The following NOS1 variants were observed in gnomAD, a reference collection of about 807,000 sequenced individuals.
The protein encoded by NOS1 is nitric oxide synthase 1.
In NOS1, 51 loss-of-function variants were observed where a neutral mutation model predicts 164.5. The observed-to-expected ratio is 0.31, with a 90% CI of 0.25 to 0.39. NOS1 has a LOEUF of 0.39. Among genes scored for constraint, NOS1 ranks in the 10% least tolerant of loss-of-function variants. NOS1 has a pLI of 1.00. For synonymous variants in NOS1, 719 were observed against 745.8 expected (o/e 0.96, Z 0.59); for missense variants, 1,362 against 1,885.6 (o/e 0.72, Z 5.14).
intron 2 of NOS1, among the ~76,000 whole-genome samples, chr12:117,317,088 C>T (rs924101088): frequency 1.3e-5 from 2 of 152,074 alleles, no homozygotes; most frequent in African/African-American, 4.8e-5. Context: ...ACCATGTTGG[C>T]CAGGCTGGTC....
At chr12:117,319,743 T>A (rs1874828367) in intron 2 of NOS1, among the ~76,000 whole-genome samples, 1 of 152,236 alleles carries the variant, frequency 6.6e-6, no homozygotes, top group Non-Finnish European at 1.5e-5. Context: ...CAACCTTGTT[T>A]GCAACCCTTG....
chr12:117,254,740 C>G (rs543424626), intron 16 of NOS1, among the ~76,000 whole-genome samples: 1 of 152,290 alleles, frequency 6.6e-6, no homozygotes, highest in South Asian at 2.1e-4. Context: ...CTTGCACCAG[C>G]CACATTTCAG....
intron 20 of NOS1, among the ~76,000 whole-genome samples, chr12:117,239,304 C>T (rs1869977304): frequency 6.6e-6 from 1 of 152,222 alleles, no homozygotes; most frequent in Non-Finnish European, 1.5e-5. Context: ...GGACCTCCCT[C>T]CTCTCTCCTG....
chr12:117,332,015 C>T (rs1278700713), intron 1 of NOS1, among the ~76,000 whole-genome samples: 1 of 152,174 alleles, frequency 6.6e-6, no homozygotes, highest in Non-Finnish European at 1.5e-5. Context: ...CCTTCATAAC[C>T]ATTTTTGTAA....
chr12:117,333,357 C>G (rs2136077323), intron 1 of NOS1, among the ~76,000 whole-genome samples: 1 of 152,268 alleles, frequency 6.6e-6, no homozygotes, highest in East Asian at 1.9e-4. Context: ...CAGGAGGGAG[C>G]CCCCATCTGC....
intron 12 of NOS1, among the ~76,000 whole-genome samples, 176 bp from the exon 13 acceptor site, chr12:117,264,150 G>A (rs1415846855): frequency 2.6e-5 from 4 of 151,704 alleles, no homozygotes; most frequent in African/African-American, 9.7e-5. Context: ...GGGGGGAGGG[G>A]GGGGGTCCTT....
intron 2 of NOS1, among the ~76,000 whole-genome samples, chr12:117,318,929 T>C (rs1473744919): frequency 6.6e-6 from 1 of 152,200 alleles, no homozygotes; most frequent in Non-Finnish European, 1.5e-5. Flanking sequence ...GCTGGAATGC[T>C]GGGAGCTGAG....
chr12:117,264,545 C>G (rs1872219315), intron 12 of NOS1, among the ~76,000 whole-genome samples: 1 of 141,430 alleles, frequency 7.1e-6, no homozygotes, highest in Non-Finnish European at 1.6e-5. Flanking sequence ...CTTCCTCCCT[C>G]CCTTCCCTTC....
At chr12:117,352,788 A>C (rs1876684649) in intron 1 of NOS1, among the ~76,000 whole-genome samples, 2 of 152,150 alleles carry the variant, frequency 1.3e-5, no homozygotes. Context: ...GTGGGAGGTG[A>C]GGGGATAGAA....
chr12:117,348,463 C>T (rs771942757), intron 1 of NOS1: 2 of 152,254 alleles, frequency 1.3e-5, no homozygotes, highest in Non-Finnish European at 2.9e-5. Flanking sequence ...CATGAAGTAA[C>T]GTCATGTTTC....
chr12:117,265,232 G>T, intron 12 of NOS1, 84 bp downstream of exon 12: 1 of 1,283,662 alleles, frequency 7.8e-7, no homozygotes, highest in Non-Finnish European at 1.0e-6. Context: ...CAGAGCACTA[G>T]CCTGGGTTGA....
rs1267415646 is a variant in NOS1, at chr12:117,350,841, C to A, written c.-421+10671G>T. 2.6e-5 allele frequency among the ~76,000 whole-genome samples: 4 copies of A among 152,156 alleles called. No individual in the cohort carries two copies. In the South Asian group the frequency reaches 8.3e-4, roughly 32 times the overall value. On this transcript the variant is annotated intron_variant, in intron 1 of 28. Transcript: ENST00000317775. ...CATCAAAAGGTCTCTTGGCCGGGTG[C>A]GGTGGCTCAAGCCTGTAATCCCAGC...
At chr12:117,281,252 T>C (rs1873628589) in intron 7 of NOS1, among the ~76,000 whole-genome samples, 1 of 152,114 alleles carries the variant, frequency 6.6e-6, no homozygotes, top group South Asian at 2.1e-4. Context: ...CCGGGCGCGG[T>C]GGCTCATGCC....
chr12:117,280,915 G>A (rs1873596665), intron 7 of NOS1, 49 bp from the exon 8 acceptor site: 1 of 1,595,866 alleles, frequency 6.3e-7, no homozygotes, highest in African/African-American at 1.3e-5. Context: ...GACTTGCGCT[G>A]TGGGAACATA....
At position 117,208,183 on chromosome 12, in the gene NOS1, C is replaced by A; in HGVS notation, c.*7126G>T. 1 of 939,670 alleles carries A rather than the reference C, an allele frequency of 1.1e-6. No homozygotes were observed. The highest frequency in any genetic ancestry group is 1.4e-6 in the Non-Finnish European group (1 of 703,132). The allele number at this position is 939,670 out of a possible 1,614,324, so 58.2% of individuals were successfully genotyped here. A position where few individuals can be genotyped will look rare whatever the true frequency, so the allele number is the denominator to read the frequency against. On this transcript the variant is annotated 3_prime_UTR_variant, in exon 29 of 29. Transcript: ENST00000317775. ...ATATTGTAACCATAATGCAAACAAG[C>A]ATAATAGGCTTTTGTTGAATCCCAT...
chr12:117,282,939 C>T (rs1417489998), intron 7 of NOS1, among the ~76,000 whole-genome samples: 1 of 151,998 alleles, frequency 6.6e-6, no homozygotes, highest in African/African-American at 2.4e-5. Flanking sequence ...TATACCTGTA[C>T]TCTCCTGCTT....
Position 117,234,725 on chromosome 12 carries a change from G to T in NOS1, c.3075C>A (p.Asn1025Lys). The T allele has an allele frequency of 6.2e-7, 1 of 1,613,620 alleles. No individual in the cohort carries two copies. Among genetic ancestry groups the T allele is most frequent in the East Asian group, 2.2e-5 (1 of 44,864 alleles). ...GCTGGTACTGCAGCTCCTGGCTCCC[G>T]TTGGTGTGGAGACGCACGAAGATAG... The part of the protein sequence containing the change: ...RSTIFVRLHT[N>K]GSQELQYQPG... The change falls in exon 21 of 29, where the codon AAC (asparagine) becomes AAA (lysine). Residue 1025 changes from asparagine (N) to lysine (K), a missense_variant. Transcript: ENST00000317775. This position sits in a 1 kb window ranked among gnomAD's most constrained non-coding sequence, Gnocchi z 4.3.
At chr12:117,359,503 G>A (rs149472263) in intron 1 of NOS1, among the ~76,000 whole-genome samples, 1 of 152,176 alleles carries the variant, frequency 6.6e-6, no homozygotes, top group Admixed American at 6.5e-5. Flanking sequence ...TTCCTCTCGG[G>A]AGGAGAGGTC....
At chr12:117,280,687 C>T in intron 8 of NOS1, 38 bp downstream of exon 8, 1 of 1,596,774 alleles carries the variant, frequency 6.3e-7, no homozygotes, top group African/African-American at 1.3e-5. Flanking sequence ...ACATAAGAGC[C>T]CATGTTGGGG....
Sources: gnomAD v4.1 joint callset for allele counts (sites outside exome capture counted in the v4.1 genomes callset) on GRCh38, gnomAD v4.1.1 for gene constraint, Gnocchi (gnomAD v3.1) non-coding constraint, MANE v1.5 for transcripts, NCBI Gene and HGNC (gene_info 2026-07-23, HGNC 2026-07-21) for gene names.